BBS1: variants seen among roughly 807,000 people sequenced by gnomAD.
BBS1 encodes the protein BBSome complex member BBS1.
In BBS1, 60 loss-of-function variants were observed where a neutral mutation model predicts 73.9. That is an observed-to-expected ratio of 0.81 (90% CI 0.66 to 1.01). The LOEUF is 1.01. Ranked by LOEUF, BBS1 falls within the 50% of genes least tolerant of loss-of-function variation. The pLI is 0.00. For synonymous variants in BBS1, 283 were observed against 317.4 expected (o/e 0.89, Z 1.15); for missense variants, 718 against 770.3 (o/e 0.93, Z 0.80).
rs551239309 is a variant in BBS1, at chr11:66,524,391, G to T, written c.1110+509G>T. On this transcript the variant is annotated intron_variant, in intron 11 of 16. Transcript: ENST00000318312. ...GTTTTCAGGAGGCTTACAGTCTAAG[G>T]TAACAGCCAGCCAGAGACATAGCAA... The T allele has an allele frequency of 3.0e-5, 7 of 229,514 alleles. No individual in the cohort carries two copies. In the South Asian group the frequency reaches 3.5e-4, roughly 11 times the overall value. The allele number at this position is 229,514 out of a possible 1,614,324, so 14.2% of individuals were successfully genotyped here.
rs1261284908 is a variant in BBS1, at chr11:66,533,427, T to C, written c.*1390T>C. ...TTGCTTGATATATCAATCTTAGACA[T>C]TACCTGTTGACTCCCTGTTGTCATA... is the stretch of plus-strand genomic sequence containing the variant. On this transcript the variant is annotated 3_prime_UTR_variant, in exon 17 of 17. Coordinates refer to ENST00000318312, the MANE Select transcript of BBS1 (RefSeq NM_024649.5). 1 of 152,218 alleles carries C rather than the reference T, an allele frequency of 6.6e-6. No homozygotes were observed. Among genetic ancestry groups the C allele is most frequent in the Non-Finnish European group, 1.5e-5 (1 of 68,042 alleles). 9.4% of individuals were successfully genotyped at this position (152,218 alleles called of 1,614,324 possible). A position where few individuals can be genotyped will look rare whatever the true frequency, so the allele number is the denominator to read the frequency against.
At chr11:66,519,523 C>A in intron 7 of BBS1, 94 bp from the exon 8 acceptor site, 1 of 1,560,242 alleles carries the variant, frequency 6.4e-7, no homozygotes. Context: ...CTTCATCCTC[C>A]TTTGCCCTCT....
chr11:66,519,791 T>A (rs1415477353), intron 8 of BBS1, 43 bp downstream of exon 8: 3 of 1,609,104 alleles, frequency 1.9e-6, no homozygotes, highest in Non-Finnish European at 1.7e-6. Flanking sequence ...AGGCCCAGGC[T>A]GCATTCTCTC....
At chr11:66,523,041 C>T in intron 9 of BBS1, 1 of 413,126 alleles carries the variant, frequency 2.4e-6, no homozygotes, top group Non-Finnish European at 4.8e-6. Context: ...AATTGAGAGG[C>T]CAGTAAACTA....
At chr11:66,519,145 G>C (rs1166945434) in intron 7 of BBS1, among the ~76,000 whole-genome samples, 1 of 152,168 alleles carries the variant, frequency 6.6e-6, no homozygotes, top group African/African-American at 2.4e-5. Context: ...AGCACTTTAG[G>C]GGGCTGAGGC....
At chr11:66,530,406 G>A (rs1377619538) in intron 14 of BBS1, among the ~76,000 whole-genome samples, 3 of 152,076 alleles carry the variant, frequency 2.0e-5, no homozygotes, top group Non-Finnish European at 4.4e-5. Context: ...AACCCCGCAA[G>A]GCTCAGACGC....
chr11:66,514,446 G>A lies in BBS1; in HGVS notation c.200G>A (p.Arg67His), dbSNP rs145718265. Reference protein sequence around the residue: ...GDLGPGGQQPRLKVLKGPLVM... With the variant: ...GDLGPGGQQPHLKVLKGPLVM... ...CTTGGCCCTGGTGGGCAGCAGCCCC[G>A]CCTGAAGGTGCTCAAAGGACCACTG... Residue 67 changes from arginine to histidine, a missense_variant, in exon 4 of 17, where the codon CGC becomes CAC. Coordinates refer to ENST00000318312, the MANE Select transcript of BBS1 (RefSeq NM_024649.5). The A allele has an allele frequency of 4.0e-5, 65 of 1,614,010 alleles. No individual in the cohort carries two copies. The highest frequency in any genetic ancestry group is 3.1e-4 in the African/African-American group (23 of 74,930).
chr11:66,523,871 A>G lies in BBS1; in HGVS notation c.1099A>G (p.Ile367Val). The G allele has an allele frequency of 6.2e-7, 1 of 1,613,220 alleles. No individual in the cohort carries two copies. Among genetic ancestry groups the G allele is most frequent in the East Asian group, 2.2e-5 (1 of 44,884 alleles). Reference protein sequence around the residue: ...IYRDKALLNVIHTPDAVTSLC... With the variant: ...IYRDKALLNVVHTPDAVTSLC... ...TCGTGACAAGGCCCTGCTCAATGTCATCCACACCCCGGTGAGCCCCATCTC... is the reference window on the plus strand; with the variant it reads ...TCGTGACAAGGCCCTGCTCAATGTCGTCCACACCCCGGTGAGCCCCATCTC... Residue 367 changes from isoleucine to valine, a missense_variant, in exon 11 of 17, where the codon ATC becomes GTC. Physicochemically the swap from Ile to Val is conservative, Grantham distance 29. Coordinates refer to ENST00000318312, the MANE Select transcript of BBS1 (RefSeq NM_024649.5).
intron 4 of BBS1, among the ~76,000 whole-genome samples, chr11:66,514,899 T>C (rs1029861693): frequency 8.6e-5 from 13 of 151,934 alleles, no homozygotes; most frequent in African/African-American, 3.1e-4. Flanking sequence ...CACTGCAGCC[T>C]CTGGCTCCCG....
chr11:66,514,257 T>G (rs559014697), intron 3 of BBS1, 149 bp from the exon 4 acceptor site: 1 of 1,055,706 alleles, frequency 9.5e-7, no homozygotes, highest in Admixed American at 1.9e-5. Context: ...GTTAGTCAAC[T>G]TTCCCAAGGT....
In BBS1 at chr11:66,523,810, C is replaced by A; in HGVS notation, c.1038C>A (p.Val346=). The A allele has an allele frequency of 6.2e-7, 1 of 1,613,638 alleles. No homozygotes were observed. Among genetic ancestry groups the A allele is most frequent in the Non-Finnish European group, 8.5e-7 (1 of 1,180,030 alleles). The change falls in exon 11 of 17, where the codon GTC becomes GTA. Residue 346 remains valine (V), a synonymous_variant. Transcript: ENST00000318312. ...LEQHSRGLQA[V]MAGLANGEVR... Reference sequence around the variant, plus strand: ...AGCATTCCCGGGGCCTGCAGGCCGTCATGGCTGGGCTGGCCAATGGAGAGG... The same window carrying A: ...AGCATTCCCGGGGCCTGCAGGCCGTAATGGCTGGGCTGGCCAATGGAGAGG...
chr11:66,526,823 G>C lies in BBS1; in HGVS notation c.1339+16G>C, dbSNP rs1347358462. 1 of 1,614,190 alleles carries C rather than the reference G, an allele frequency of 6.2e-7. No individual in the cohort carries two copies. The highest frequency in any genetic ancestry group is 8.5e-7 in the Non-Finnish European group (1 of 1,180,028). On this transcript the variant is annotated intron_variant, in intron 13 of 16. Transcript: ENST00000318312. ...GCTGGCACCGGTGAGCCTCAGACTG[G>C]GTCCTTTCCCTTCTTCCTCCTCCAC...
chr11:66,530,761 T>A (rs1856742761), intron 14 of BBS1, 133 bp from the exon 15 acceptor site: 5 of 1,328,478 alleles, frequency 3.8e-6, no homozygotes, highest in Admixed American at 1.7e-5. Flanking sequence ...TCTGGTCTTC[T>A]GTGTCTGCTG....
rs562720654 is a variant in BBS1 at position 66,530,881 on chromosome 11, A to C, written c.1474-13A>C. 6.2e-7 allele frequency: 1 copy of C among 1,613,750 alleles called. No homozygotes were observed. The highest frequency in any genetic ancestry group is 1.1e-5 in the South Asian group (1 of 91,054). The stretch of plus-strand genomic sequence containing the variant: ...CAGGTCCTAAGGGCTTTCTCCACCC[A>C]CCCTCTCCATAGGTTCAGGGCCTTG... On this transcript the variant is annotated splice_polypyrimidine_tract_variant and intron_variant, in intron 14 of 16. Coordinates refer to ENST00000318312, the MANE Select transcript of BBS1 (RefSeq NM_024649.5).
At position 66,526,755 on chromosome 11, in the gene BBS1, A is replaced by T; in HGVS notation, c.1287A>T (p.Arg429=). ...PAQAMKLNVP[R]KTRLYVDQTL... is the part of the protein sequence containing the mutation. ...AGGCCATGAAACTCAATGTGCCCCG[A>T]AAGACCCGGCTTTACGTGGATCAGA... Residue 429 remains arginine (R), a synonymous_variant, in exon 13 of 17, where the codon CGA becomes CGT. Transcript: ENST00000318312. 1 of 1,614,242 alleles carries T rather than the reference A, an allele frequency of 6.2e-7. No individual in the cohort carries two copies.
Position 66,521,346 on chromosome 11 carries a change from G to A in BBS1, c.800G>A (p.Cys267Tyr). Residue 267 changes from cysteine (C) to tyrosine (Y), a missense_variant, in exon 9 of 17, where the codon TGC becomes TAC. Transcript: ENST00000318312. ...GTTGAGTTCCGGCTTGCCGCGGCCT[G>A]CCGCAATGGAAACATCTATATTCTG... is the stretch of plus-strand genomic sequence containing the variant. ...FDVEFRLAAA[C>Y]RNGNIYILRR... The A allele has an allele frequency of 6.2e-7, 1 of 1,614,230 alleles. No individual in the cohort carries two copies. The highest frequency in any genetic ancestry group is 1.3e-5 in the African/African-American group (1 of 75,074).
At chr11:66,530,085 C>A (rs1340281217) in intron 14 of BBS1, 133 bp downstream of exon 14, 16 of 1,313,736 alleles carry the variant, frequency 1.2e-5, no homozygotes, top group Non-Finnish European at 1.6e-5. Context: ...ATCACCTTCC[C>A]GCAGACCTGG....
intron 9 of BBS1, among the ~76,000 whole-genome samples, chr11:66,522,029 A>T (rs918072649): frequency 1.7e-4 from 25 of 150,840 alleles, no homozygotes; most frequent in Non-Finnish European, 3.0e-4. Flanking sequence ...CATCCTGGCT[A>T]ACACAGTGAA....
In BBS1 at chr11:66,514,544, C is replaced by T. The variant is rs769949890; in HGVS notation, c.298C>T (p.Arg100Trp). The change falls in exon 4 of 17, where the codon CGG (arginine) becomes TGG (tryptophan). Residue 100 changes from arginine to tryptophan, a missense_variant. Arg to Trp is a moderately radical substitution (Grantham distance 101). Coordinates refer to ENST00000318312, the MANE Select transcript of BBS1 (RefSeq NM_024649.5). ...CTTCCTCATGGAGCAACATGAGCCC[C>T]GGACCCCAGCTCTGGCACTTGCTTC... is the stretch of plus-strand genomic sequence containing the variant. ...ATFLMEQHEPRTPALALASGP... is the reference protein window; with the variant it reads ...ATFLMEQHEPWTPALALASGP... 89 of 1,614,158 alleles carry T rather than the reference C, an allele frequency of 5.5e-5. 3 individuals are homozygous for T. Among genetic ancestry groups the T allele is most frequent in the South Asian group, 3.6e-4 (33 of 91,080 alleles).
Sources: allele counts gnomAD v4.1 joint callset (sites outside exome capture counted in the v4.1 genomes callset), GRCh38; gene constraint gnomAD v4.1.1; transcripts MANE v1.5; gene names NCBI Gene and HGNC (gene_info 2026-07-23, HGNC 2026-07-21).